TRMT11: variants seen among roughly 807,000 people sequenced by gnomAD.
The protein encoded by TRMT11 is tRNA methyltransferase 11, also known as tRNA (guanine(10)-N(2))-methyltransferase TRMT11.
TRMT11 carries 53 observed loss-of-function variants against 62.8 expected under a neutral mutation model. The ratio of observed to expected loss-of-function variants is 0.84; its 90% CI spans 0.68 to 1.06. TRMT11 has a LOEUF of 1.06. Among genes scored for constraint, TRMT11 ranks in the 50% least tolerant of loss-of-function variants. The pLI, the probability that TRMT11 is intolerant of heterozygous loss-of-function variation, is 0.00. For missense variants in TRMT11, 556 were observed against 553.4 expected (o/e 1.00, Z -0.05); for synonymous variants, 188 against 190.3 (o/e 0.99, Z 0.10).
intron 21 of TRMT11, among the ~76,000 whole-genome samples, chr6:126,127,958 A>G (rs1018056672): frequency 6.6e-6 from 1 of 152,068 alleles, no homozygotes; most frequent in Non-Finnish European, 1.5e-5. Context: ...AAAAATTGTC[A>G]TGACAGGAGA....
Position 126,180,570 on chromosome 6 carries a change from A to T in TRMT11, n.143+3235A>T, listed in dbSNP as rs1778446724. Among the ~76,000 whole-genome samples, 3 of 152,230 alleles carry T rather than the reference A, an allele frequency of 2.0e-5. No individual in the cohort carries two copies. In the South Asian group the frequency reaches 6.2e-4, roughly 32 times the overall value. ...TCCTAACATGTTAGTCCTTAAATGG[A>T]TTACTGTAAAGAAGGTAGTAAGTTT... On this transcript the variant is annotated intron_variant and non_coding_transcript_variant, in intron 1 of 3. Coordinates refer to the TRMT11 transcript ENST00000444229.
chr6:126,193,930 C>G (rs9482726), intron 1 of TRMT11, among the ~76,000 whole-genome samples: 9,272 of 151,934 alleles, frequency 0.061, 975 homozygotes, highest in African/African-American at 0.21. Flanking sequence ...CTTCATTGAC[C>G]CATTAGATGT....
At chr6:126,015,783 G>A (rs1794907894) in intron 11 of TRMT11, among the ~76,000 whole-genome samples, 1 of 152,106 alleles carries the variant, frequency 6.6e-6, no homozygotes. Flanking sequence ...AATATTTTCT[G>A]TCTTTCCATA....
At chr6:126,001,719 T>C (rs1468026912) in intron 7 of TRMT11, among the ~76,000 whole-genome samples, 4 of 152,116 alleles carry the variant, frequency 2.6e-5, no homozygotes, top group Non-Finnish European at 4.4e-5. Context: ...TCGTCAGGTT[T>C]AGTAGCCATT....
chr6:126,207,505 T>C (rs1027935963), downstream of TRMT11, among the ~76,000 whole-genome samples: 4 of 152,120 alleles, frequency 2.6e-5, no homozygotes, highest in Non-Finnish European at 5.9e-5. Flanking sequence ...AATATTTGAG[T>C]TTCCCAGCTC....
chr6:126,146,354 A>G (rs561352524), intron 21 of TRMT11, among the ~76,000 whole-genome samples: 69 of 152,148 alleles, frequency 4.5e-4, no homozygotes, highest in Non-Finnish European at 7.8e-4. Context: ...ACTCTGGCCT[A>G]TTTGCTCCAG....
chr6:126,056,509 C>A lies in TRMT11; in HGVS notation c.*1437+3319C>A, dbSNP rs752037374. Among the ~76,000 whole-genome samples the A allele has an allele frequency of 3.3e-5, 5 of 152,264 alleles. No homozygotes were observed. In the East Asian group the frequency reaches 9.7e-4, roughly 29 times the overall value. ...AGCCTCTCTTAGGTGCATACCTAAG[C>A]AAAGAATGTGACCTCCTTTGCAGCC... On this transcript the variant is annotated intron_variant and NMD_transcript_variant, in intron 17 of 22. Transcript: ENST00000648977.
chr6:126,135,853 A>G (rs1777843771), intron 21 of TRMT11, among the ~76,000 whole-genome samples: 1 of 152,008 alleles, frequency 6.6e-6, no homozygotes, highest in South Asian at 2.1e-4. Context: ...AATAAACACA[A>G]TACATTATGT....
At chr6:126,135,693 C>G (rs917503356) in intron 21 of TRMT11, among the ~76,000 whole-genome samples, 2 of 151,610 alleles carry the variant, frequency 1.3e-5, no homozygotes, top group Admixed American at 6.6e-5. Context: ...CAAAGTAAAA[C>G]TACAAGCCAG....
intron 11 of TRMT11, among the ~76,000 whole-genome samples, chr6:126,016,030 T>A (rs1794936955): frequency 6.6e-6 from 1 of 152,212 alleles, no homozygotes; most frequent in Admixed American, 6.5e-5. Flanking sequence ...CCTCTCTGAA[T>A]CATCATTTTC....
intron 17 of TRMT11, among the ~76,000 whole-genome samples, chr6:126,102,982 A>G (rs1054767496): frequency 1.3e-5 from 2 of 152,146 alleles, no homozygotes; most frequent in African/African-American, 4.8e-5. Context: ...AGAGAATGGC[A>G]TTTTCATTTC....
chr6:126,230,422 C>T, the TRMT11 span, among the ~76,000 whole-genome samples: 2 of 152,154 alleles, frequency 1.3e-5, no homozygotes, highest in East Asian at 1.9e-4. Context: ...CACATTCAGG[C>T]GCATCTGCCA....
intron 1 of TRMT11, among the ~76,000 whole-genome samples, chr6:125,991,589 A>G (rs1346509741): frequency 6.6e-6 from 1 of 151,924 alleles, no homozygotes; most frequent in Non-Finnish European, 1.5e-5. Flanking sequence ...TTGCAGGTGG[A>G]GCCGCCATAC....
At chr6:126,055,587 C>T (rs1776349516) in intron 17 of TRMT11, among the ~76,000 whole-genome samples, 3 of 152,180 alleles carry the variant, frequency 2.0e-5, no homozygotes, top group Admixed American at 1.3e-4. Flanking sequence ...ATACCACTTT[C>T]AATACACTGT....
chr6:126,036,739 A>G, intron 12 of TRMT11, among the ~76,000 whole-genome samples: 1 of 152,148 alleles, frequency 6.6e-6, no homozygotes. Flanking sequence ...TCTTACTGAC[A>G]TAAGGACAGA....
At chr6:126,110,603 G>A (rs1474691797) in intron 17 of TRMT11, among the ~76,000 whole-genome samples, 2 of 152,098 alleles carry the variant, frequency 1.3e-5, no homozygotes, top group Non-Finnish European at 2.9e-5. Flanking sequence ...ATAGCAATGA[G>A]GTGTTGTATA....
intron 1 of TRMT11, among the ~76,000 whole-genome samples, chr6:126,189,479 A>T (rs1415619235): frequency 6.6e-6 from 1 of 152,180 alleles, no homozygotes; most frequent in Non-Finnish European, 1.5e-5. Flanking sequence ...AAAAAATTAA[A>T]TCCATGAACA....
At chr6:126,272,114 A>G in the TRMT11 span, among the ~76,000 whole-genome samples, 2 of 152,220 alleles carry the variant, frequency 1.3e-5, no homozygotes. Flanking sequence ...ATCATTATGA[A>G]TAAATCCTTT....
intron 17 of TRMT11, among the ~76,000 whole-genome samples, chr6:126,095,541 A>G (rs1583873562): frequency 6.6e-6 from 1 of 152,186 alleles, no homozygotes; most frequent in Admixed American, 6.5e-5. Flanking sequence ...TTTGGCTTTC[A>G]ATGTAGATCA....
Sources: allele counts gnomAD v4.1 joint callset (sites outside exome capture counted in the v4.1 genomes callset), GRCh38; gene constraint gnomAD v4.1.1; transcripts MANE v1.5; gene names NCBI Gene and HGNC (gene_info 2026-07-23, HGNC 2026-07-21).